The following F13A1 variants were observed in gnomAD, a reference collection of about 807,000 sequenced individuals.
F13A1 encodes the protein coagulation factor XIII A chain.
F13A1 carries 47 observed loss-of-function variants against 80.1 expected under a neutral mutation model. The ratio of observed to expected loss-of-function variants is 0.59; its 90% CI spans 0.46 to 0.75. F13A1 has a LOEUF of 0.75. Among genes scored for constraint, F13A1 ranks in the 30% least tolerant of loss-of-function variants. The probability of loss-of-function intolerance (pLI) is 0.00; values close to 1 mark genes in which losing one functional copy is unlikely to be tolerated. For missense variants in F13A1, 817 were observed against 930.4 expected, an observed-to-expected ratio of 0.88 and a Z score of 1.59; for synonymous variants, 349 against 344.9, an observed-to-expected ratio of 1.01 and a Z score of -0.13.
At position 6,248,464 on chromosome 6, in the gene F13A1, C is replaced by T. The variant is rs754892261; in HGVS notation, c.691-45G>A. The stretch of plus-strand genomic sequence containing the variant: ...CAAAGAGAAACTAGTGTTCACTCTG[C>T]AAGCAAAATATTCTCTGATGAAAAA... On this transcript the variant is annotated intron_variant, in intron 5 of 14. Transcript: ENST00000264870. 8 of 1,460,774 alleles carry T rather than the reference C, an allele frequency of 5.5e-6. No homozygotes were observed. The African/African-American group carries it at 1.1e-4, about 20-fold the overall frequency. The allele number at this position is 1,460,774 out of a possible 1,614,324, so 90.5% of individuals were successfully genotyped here. A position where few individuals can be genotyped will look rare whatever the true frequency, so the allele number is the denominator to read the frequency against.
At chr6:6,273,210 G>A (rs543248011) in intron 3 of F13A1, among the ~76,000 whole-genome samples, 2 of 152,130 alleles carry the variant, frequency 1.3e-5, no homozygotes, top group African/African-American at 4.8e-5. Flanking sequence ...TATCTATTCC[G>A]CTTGTTAAAC....
chr6:6,195,040 G>A (rs761518091), intron 10 of F13A1, among the ~76,000 whole-genome samples: 16 of 152,242 alleles, frequency 1.1e-4, no homozygotes, highest in Non-Finnish European at 1.8e-4. Context: ...ATACCCTGGG[G>A]AAGTCCTGCC....
At chr6:6,176,395 A>G (rs1354449111) in intron 11 of F13A1, among the ~76,000 whole-genome samples, 2 of 152,224 alleles carry the variant, frequency 1.3e-5, no homozygotes, top group South Asian at 2.1e-4. Context: ...CACTATTATT[A>G]CCATCACTTT....
intron 6 of F13A1, among the ~76,000 whole-genome samples, chr6:6,229,227 G>A (rs1757318029): frequency 6.6e-6 from 1 of 152,016 alleles, no homozygotes; most frequent in African/African-American, 2.4e-5. Flanking sequence ...GACAGAAAGA[G>A]AGAGAGGGAG....
intron 6 of F13A1, among the ~76,000 whole-genome samples, chr6:6,241,016 C>A (rs1201699930): frequency 6.6e-6 from 1 of 152,180 alleles, no homozygotes; most frequent in Non-Finnish European, 1.5e-5. Flanking sequence ...AAAGTTGTCA[C>A]CCCGAGAGCT....
chr6:6,258,615 G>C (rs1252510940), intron 4 of F13A1, among the ~76,000 whole-genome samples: 1 of 152,132 alleles, frequency 6.6e-6, no homozygotes, highest in Non-Finnish European at 1.5e-5. Context: ...AAGGTTTACT[G>C]TGAGCTCTCT....
chr6:6,241,010 T>A (rs536181845), intron 6 of F13A1, among the ~76,000 whole-genome samples: 1 of 152,330 alleles, frequency 6.6e-6, no homozygotes, highest in East Asian at 1.9e-4. Context: ...TCTCCCAAAG[T>A]TGTCACCCCG....
intron 8 of F13A1, among the ~76,000 whole-genome samples, chr6:6,217,242 G>A (rs1466406005): frequency 6.6e-5 from 10 of 151,876 alleles, no homozygotes; most frequent in East Asian, 1.9e-4. Context: ...TGTTTATTGC[G>A]GCACTATTCA....
chr6:6,207,204 T>C (rs1211015715), intron 8 of F13A1, among the ~76,000 whole-genome samples: 1 of 152,164 alleles, frequency 6.6e-6, no homozygotes, highest in African/African-American at 2.4e-5. Context: ...CTCAGTAGCT[T>C]TGCAAACTTG....
chr6:6,197,371 C>G, intron 8 of F13A1, 45 bp from the exon 9 acceptor site: 1 of 1,559,550 alleles, frequency 6.4e-7, no homozygotes, highest in Non-Finnish European at 8.8e-7. Context: ...CCATCACACC[C>G]AATGCTCCAA....
intron 2 of F13A1, 78 bp downstream of exon 2, chr6:6,318,457 G>A: frequency 1.3e-6 from 2 of 1,512,094 alleles, no homozygotes; most frequent in East Asian, 2.3e-5. Flanking sequence ...GACAGAGGAT[G>A]TTTACCTGCA....
chr6:6,291,897 T>C (rs1420160176), intron 3 of F13A1, among the ~76,000 whole-genome samples: 1 of 152,200 alleles, frequency 6.6e-6, no homozygotes, highest in Non-Finnish European at 1.5e-5. Context: ...ATATTATCTA[T>C]TGGACAGGTT....
intron 11 of F13A1, among the ~76,000 whole-genome samples, chr6:6,179,428 C>T (rs1480687399): frequency 6.6e-6 from 1 of 151,952 alleles, no homozygotes; most frequent in Non-Finnish European, 1.5e-5. Context: ...TACTCATTTC[C>T]ATATTTTGGT....
At chr6:6,147,174 G>A (rs895334121) in intron 14 of F13A1, among the ~76,000 whole-genome samples, 9 of 152,166 alleles carry the variant, frequency 5.9e-5, no homozygotes, top group Admixed American at 5.9e-4. Context: ...AGGTGGGAGG[G>A]ATAAAAGACT....
chr6:6,232,174 T>G (rs1452272854), intron 6 of F13A1, among the ~76,000 whole-genome samples: 1 of 152,154 alleles, frequency 6.6e-6, no homozygotes, highest in Non-Finnish European at 1.5e-5. Flanking sequence ...GGATAAGAAC[T>G]CACCAACCAA....
intron 13 of F13A1, among the ~76,000 whole-genome samples, chr6:6,154,880 G>A (rs1286030370): frequency 6.6e-6 from 1 of 152,044 alleles, no homozygotes; most frequent in East Asian, 1.9e-4. Flanking sequence ...GACATTATTG[G>A]CAAAAGTGTT....
intron 10 of F13A1, among the ~76,000 whole-genome samples, chr6:6,194,700 C>T (rs1761258519): frequency 6.6e-6 from 1 of 152,210 alleles, no homozygotes; most frequent in African/African-American, 2.4e-5. Flanking sequence ...TGTGCCCTGT[C>T]ACCTGGCATC....
In F13A1 at chr6:6,197,169, G is replaced by A. The variant is rs1466370483; in HGVS notation, c.1216+54C>T. ...CCACACATCAAATGCAAGCATAAAA[G>A]CAAAACAAAGATCAGCAATGAAGCA... On this transcript the variant is annotated intron_variant, in intron 9 of 14. Transcript: ENST00000264870. 3.8e-6 allele frequency: 6 copies of A among 1,561,028 alleles called. No homozygotes were observed. In the East Asian group the frequency reaches 6.7e-5, roughly 18 times the overall value.
intron 10 of F13A1, among the ~76,000 whole-genome samples, chr6:6,191,661 C>T (rs995141173): frequency 2.0e-5 from 3 of 152,312 alleles, no homozygotes; most frequent in Middle Eastern, 3.4e-3. Flanking sequence ...AGGCTAGAGA[C>T]GTGCTCTTGC....
Sources: allele counts gnomAD v4.1 joint callset (sites outside exome capture counted in the v4.1 genomes callset), GRCh38; gene constraint gnomAD v4.1.1; transcripts MANE v1.5; gene names NCBI Gene and HGNC (gene_info 2026-07-23, HGNC 2026-07-21).